The following SYNE2 variants were observed in gnomAD, a reference collection of about 807,000 sequenced individuals.
SYNE2 encodes the protein spectrin repeat containing nuclear envelope protein 2, also known as nesprin-2.
Under a neutral mutation model 856.3 loss-of-function variants are expected in SYNE2, and 431 were observed. That is an observed-to-expected ratio of 0.50 (90% CI 0.47 to 0.55). SYNE2 has a LOEUF of 0.55. SYNE2 is among the 20% of genes least tolerant of loss of function. The pLI is 0.00. For synonymous variants in SYNE2, 2,923 were observed against 2,872.3 expected (o/e 1.02, Z -0.56); for missense variants, 8,129 against 8,023.2 (o/e 1.01, Z -0.50).
At chr14:63,793,515 G>C in intron 1 of SYNE2, among the ~76,000 whole-genome samples, 1 of 150,750 alleles carries the variant, frequency 6.6e-6, no homozygotes, top group East Asian at 1.9e-4. Context: ...CTCTTGAAAA[G>C]TTGTCAAGCA....
intron 1 of SYNE2, among the ~76,000 whole-genome samples, chr14:63,872,508 C>A (rs1356315722): frequency 3.3e-5 from 5 of 151,730 alleles, no homozygotes; most frequent in Non-Finnish European, 7.4e-5. Context: ...ATAATCCCAG[C>A]ACTTTGGGAG....
chr14:64,129,812 A>G lies in SYNE2; in HGVS notation c.14050A>G (p.Asn4684Asp), dbSNP rs542872767. Residue 4684 changes from asparagine to aspartate, a missense_variant, in exon 75 of 116, where the codon AAC becomes GAC. Transcript: ENST00000555002. Reference protein sequence around the residue: ...KADAYTVELENAESRVAKLRD... With the variant: ...KADAYTVELEDAESRVAKLRD... The stretch of plus-strand genomic sequence containing the variant: ...AGATGCATATACAGTGGAGCTGGAG[A>G]ACGCCGAGAGCCGAGTGGCCAAACT... The G allele has an allele frequency of 6.2e-7, 1 of 1,614,094 alleles. No individual in the cohort carries two copies. The highest frequency in any genetic ancestry group is 2.2e-5 in the East Asian group (1 of 44,894).
intron 1 of SYNE2, among the ~76,000 whole-genome samples, chr14:63,861,701 C>T (rs769070116): frequency 5.3e-5 from 8 of 151,762 alleles, no homozygotes; most frequent in Non-Finnish European, 8.8e-5. Flanking sequence ...GTGGGAGGAT[C>T]GCCTGAGCCT....
chr14:64,165,521 T>C (rs2098370528), intron 90 of SYNE2, 111 bp downstream of exon 90: 19 of 1,293,068 alleles, frequency 1.5e-5, no homozygotes, highest in Non-Finnish European at 2.1e-5. Context: ...CACTCTTATT[T>C]TTTTTTTTTG....
chr14:64,223,096 C>A (rs1437823193), intron 112 of SYNE2, 93 bp from the exon 113 acceptor site: 2 of 1,349,668 alleles, frequency 1.5e-6, no homozygotes, highest in African/African-American at 1.4e-5. Flanking sequence ...ATCATTCATT[C>A]TGGAATTTTT....
At chr14:63,972,521 A>G (rs1418210967) in intron 11 of SYNE2, among the ~76,000 whole-genome samples, 1 of 152,222 alleles carries the variant, frequency 6.6e-6, no homozygotes, top group Non-Finnish European at 1.5e-5. Flanking sequence ...TTCTGGTTCA[A>G]TAGTTTGAGA....
intron 47 of SYNE2, among the ~76,000 whole-genome samples, chr14:64,051,272 T>G (rs2097223667): frequency 6.6e-6 from 1 of 152,118 alleles, no homozygotes; most frequent in East Asian, 1.9e-4. Context: ...ACTTCATTTT[T>G]TTCCTGTGGT....
At position 63,974,888 on chromosome 14, in the gene SYNE2, GTGTGTATATATATATATATATATATA is replaced by G. The variant is rs748918936; in HGVS notation, c.1129-1673_1129-1648del. ...TGTGTGTGTGTGTGTGTGTGTGTGT[GTGTGTATATATATATATATATATATA>G]TATGTATCTTGAGACAGGGTCTCAC... On this transcript the variant is annotated intron_variant, in intron 11 of 115. Coordinates refer to ENST00000555002, the MANE Select transcript of SYNE2 (RefSeq NM_182914.3). Among the ~76,000 whole-genome samples the G allele has an allele frequency of 2.2e-3, 57 of 26,458 alleles. 1 individual carries two copies. Among genetic ancestry groups the G allele is most frequent in the African/African-American group, 2.8e-3 (23 of 8,234 alleles). The allele number at this position is 26,458 out of a possible 152,430, so 17.4% of individuals were successfully genotyped here.
intron 1 of SYNE2, among the ~76,000 whole-genome samples, chr14:63,833,293 A>T (rs1307881456): frequency 6.6e-6 from 1 of 152,216 alleles, no homozygotes; most frequent in Non-Finnish European, 1.5e-5. Flanking sequence ...TAAAATATTT[A>T]TTAAATATCC....
chr14:64,224,476 C>T lies in SYNE2; in HGVS notation c.20398C>T (p.Leu6800=), dbSNP rs773454350. The stretch of plus-strand genomic sequence containing the variant: ...TGAATTTCAGAACCCAGCCTCACCC[C>T]TGCCCAGCTTCGACGAGGTAGACTC... ...LQGTQNPASP[L]PSFDEVDSGD... Residue 6800 remains leucine, a synonymous_variant, in exon 114 of 116, where the codon CTG becomes TTG. Coordinates refer to ENST00000555002, the MANE Select transcript of SYNE2 (RefSeq NM_182914.3). The T allele has an allele frequency of 6.2e-7, 1 of 1,613,324 alleles. No individual in the cohort carries two copies. The highest frequency in any genetic ancestry group is 8.5e-7 in the Non-Finnish European group (1 of 1,179,630).
intron 1 of SYNE2, among the ~76,000 whole-genome samples, chr14:63,897,578 C>A (rs1484143318): frequency 2.6e-5 from 4 of 152,298 alleles, no homozygotes; most frequent in Admixed American, 6.5e-5. Context: ...GAGCATCAGG[C>A]AGATGTGAGA....
intron 94 of SYNE2, 148 bp from the exon 95 acceptor site, chr14:64,174,796 G>T (rs904905632): frequency 3.0e-6 from 2 of 670,056 alleles, no homozygotes; most frequent in Non-Finnish European, 5.1e-6. Flanking sequence ...TTTGATGTGT[G>T]TGTGTATGTA....
chr14:64,090,045 TGAG>T, intron 59 of SYNE2, among the ~76,000 whole-genome samples: 1 of 152,314 alleles, frequency 6.6e-6, no homozygotes, highest in South Asian at 2.1e-4. Flanking sequence ...GCACTGGTAC[TGAG>T]GAGATTACAT....
intron 6 of SYNE2, among the ~76,000 whole-genome samples, chr14:63,948,716 ATG>A (rs372608712): frequency 2.6e-4 from 15 of 56,924 alleles, no homozygotes; most frequent in East Asian, 4.0e-4. Context: ...GTATATATAT[ATG>A]TGTGTATATA....
chr14:64,103,353 C>CTTT (rs61101192), intron 64 of SYNE2, among the ~76,000 whole-genome samples: 4 of 138,984 alleles, frequency 2.9e-5, no homozygotes, highest in Admixed American at 1.4e-4. Context: ...TCTCCATAAT[C>CTTT]TTTTTTTTTT....
intron 80 of SYNE2, 63 bp downstream of exon 80, chr14:64,140,136 A>G (rs2098128193): frequency 1.3e-6 from 2 of 1,515,242 alleles, no homozygotes; most frequent in African/African-American, 1.4e-5. Context: ...AGGAAAAAGC[A>G]TCAGGGTTGA....
chr14:63,933,938 A>G lies in SYNE2; in HGVS notation c.80-6676A>G, dbSNP rs75532907. 1.0e-3 allele frequency among the ~76,000 whole-genome samples: 156 copies of G among 152,344 alleles called. 2 individuals carry two copies. The East Asian group carries it at 0.014, about 14-fold the overall frequency. ...GGTGAGCTATTTGGCGCTGGTTCCC[A>G]TTGAATACTGCCATTCAGGGATAAA... On this transcript the variant is annotated intron_variant, in intron 2 of 115. Transcript: ENST00000555002.
intron 109 of SYNE2, 93 bp from the exon 110 acceptor site, chr14:64,219,115 T>TG: frequency 2.1e-6 from 2 of 969,064 alleles, no homozygotes; most frequent in Non-Finnish European, 2.9e-6. Flanking sequence ...TTTTTTTTTT[T>TG]TTTTTTTTTA....
chr14:64,030,135 T>C (rs2097021102), intron 44 of SYNE2, 76 bp downstream of exon 44: 20 of 1,438,196 alleles, frequency 1.4e-5, no homozygotes, highest in Middle Eastern at 1.9e-4. Flanking sequence ...TTAATCAGTG[T>C]CCTCTGTCAG....
Sources: allele counts gnomAD v4.1 joint callset (sites outside exome capture counted in the v4.1 genomes callset), GRCh38; gene constraint gnomAD v4.1.1; transcripts MANE v1.5; gene names NCBI Gene and HGNC (gene_info 2026-07-23, HGNC 2026-07-21).